XYLT2: variants seen among roughly 807,000 people sequenced by gnomAD.
XYLT2 encodes xylosyltransferase 2.
XYLT2 carries 37 observed loss-of-function variants against 82.6 expected under a neutral mutation model. The ratio of observed to expected loss-of-function variants is 0.45; its 90% confidence interval spans 0.34 to 0.59. The LOEUF (loss-of-function observed/expected upper bound fraction) is 0.59. Ranked by LOEUF, XYLT2 falls within the 20% of genes least tolerant of loss-of-function variation. The pLI is 0.01. For synonymous variants in XYLT2, 474 were observed against 499.0 expected (o/e 0.95, Z 0.67); for missense variants, 934 against 1,181.3 (o/e 0.79, Z 3.07).
At chr17:50,348,493 A>AT (rs1323078932) in intron 1 of XYLT2, among the ~76,000 whole-genome samples, 1 of 152,162 alleles carries the variant, frequency 6.6e-6, no homozygotes, top group Non-Finnish European at 1.5e-5. Flanking sequence ...AGAGCACTGA[A>AT]GGGGTTTAAG....
In XYLT2 at chr17:50,346,536, G is replaced by A; in HGVS notation, c.135+261G>A. Reference sequence around the variant, plus strand: ...GAGTCGGGCGGGGGGAGCAGGTCATGCTAGGGTGGTCTCCGGCCAAGGGAG... The same window carrying A: ...GAGTCGGGCGGGGGGAGCAGGTCATACTAGGGTGGTCTCCGGCCAAGGGAG... On this transcript the variant is annotated intron_variant, in intron 1 of 10. Transcript: ENST00000017003. The surrounding 1 kb of genome is among the most constrained non-coding windows in gnomAD (Gnocchi z 5.1). 1 of 928,014 alleles carries A rather than the reference G, an allele frequency of 1.1e-6. No individual in the cohort carries two copies. Among genetic ancestry groups the A allele is most frequent in the Non-Finnish European group, 1.3e-6 (1 of 777,434 alleles). 57.5% of individuals were successfully genotyped at this position (928,014 alleles called of 1,614,324 possible).
intron 1 of XYLT2, among the ~76,000 whole-genome samples, chr17:50,352,303 C>A (rs979812165): frequency 1.3e-5 from 2 of 152,186 alleles, no homozygotes; most frequent in African/African-American, 2.4e-5. Context: ...CCTGGAGGCT[C>A]TAGAGTGTTC....
Position 50,358,296 on chromosome 17 carries a change from C to T in XYLT2, c.2031C>T (p.Arg677=). The T allele has an allele frequency of 4.3e-6, 7 of 1,613,780 alleles. No individual in the cohort carries two copies. The highest frequency in any genetic ancestry group is 5.9e-6 in the Non-Finnish European group (7 of 1,180,044). ...TGGACGAGCCTGTGGCCGTGCAGCG[C>T]TGGGCCCGGGGCCCCAACCTCACAG... ...GPLDEPVAVQ[R]WARGPNLTAT... The change falls in exon 10 of 11, where the codon CGC becomes CGT. Residue 677 remains arginine, a synonymous_variant. Coordinates refer to ENST00000017003, the MANE Select transcript of XYLT2 (RefSeq NM_022167.4).
At chr17:50,354,641 T>G in intron 3 of XYLT2, 58 bp downstream of exon 3, 1 of 1,562,124 alleles carries the variant, frequency 6.4e-7, no homozygotes, top group Admixed American at 1.7e-5. Flanking sequence ...AACAGAAGGT[T>G]GCAGACAGAC....
At position 50,353,936 on chromosome 17, in the gene XYLT2, G is replaced by C; in HGVS notation, c.442G>C (p.Glu148Gln). ...ACCACACGGAGATACAGGGAGCGTG[G>C]AGGGCGCCCCCCAGCCCACGGACAA... ...FPPHGDTGSV[E>Q]GAPQPTDNGF... The change falls in exon 2 of 11, where the codon GAG (glutamate) becomes CAG (glutamine). Residue 148 changes from glutamate (E) to glutamine (Q), a missense_variant. Physicochemically the swap from Glu to Gln is conservative, Grantham distance 29. This residue lies in a region of XYLT2 where 371 missense variants were observed against 394.9 expected (regional missense o/e 0.94). Coordinates refer to ENST00000017003, the MANE Select transcript of XYLT2 (RefSeq NM_022167.4). 1 of 1,607,564 alleles carries C rather than the reference G, an allele frequency of 6.2e-7. No homozygotes were observed. Among genetic ancestry groups the C allele is most frequent in the Non-Finnish European group, 8.5e-7 (1 of 1,179,844 alleles).
chr17:50,354,183 A>T, intron 2 of XYLT2, 61 bp downstream of exon 2: 2 of 1,593,800 alleles, frequency 1.3e-6, no homozygotes, highest in Non-Finnish European at 1.7e-6. Context: ...CATGGCCCGG[A>T]TCCTCACCCC....
At chr17:50,356,953 A>C (rs532781929) in intron 8 of XYLT2, 104 bp from the exon 9 acceptor site, 169 of 1,470,844 alleles carry the variant, frequency 1.1e-4, no homozygotes, top group Non-Finnish European at 1.5e-4. Flanking sequence ...GATCTGGGGA[A>C]AGGAAGTGCC....
intron 1 of XYLT2, among the ~76,000 whole-genome samples, chr17:50,349,575 T>C (rs1409174755): frequency 6.6e-6 from 1 of 152,162 alleles, no homozygotes; most frequent in Non-Finnish European, 1.5e-5. Context: ...ATAGCAAGAC[T>C]ATCTCTATTA....
rs537033311 is a variant in XYLT2, at chr17:50,355,832, C to T, written c.1140C>T (p.His380=). 1.5e-5 allele frequency: 24 copies of T among 1,614,266 alleles called. 1 individual carries two copies. In the South Asian group the frequency reaches 2.2e-4, roughly 15 times the overall value. ...GGCTCTTCCATGAGTGCGACTCACA[C>T]ATGTGGCGCCTGGGCGAGCGGCAGA... ...LDRLFHECDS[H]MWRLGERQIP... Residue 380 remains histidine, a synonymous_variant, in exon 6 of 11, where the codon CAC becomes CAT. Transcript: ENST00000017003.
At position 50,355,573 on chromosome 17, in the gene XYLT2, C is replaced by T; in HGVS notation, c.1080C>T (p.Asp360=). Reference sequence around the variant, plus strand: ...ATTTCCTCAAGTCACATGGCCGGGACAACTCCAGGTGAGGGGGTGGGGAAG... The same window carrying T: ...ATTTCCTCAAGTCACATGGCCGGGATAACTCCAGGTGAGGGGGTGGGGAAG... ...DKNFLKSHGR[D]NSRFIKKQGL... is the part of the protein sequence containing the mutation. The change falls in exon 5 of 11, where the codon GAC becomes GAT. Residue 360 remains aspartate, a synonymous_variant. Coordinates refer to ENST00000017003, the MANE Select transcript of XYLT2 (RefSeq NM_022167.4). The T allele has an allele frequency of 6.2e-7, 1 of 1,614,082 alleles. No individual in the cohort carries two copies. The highest frequency in any genetic ancestry group is 8.5e-7 in the Non-Finnish European group (1 of 1,179,988).
In XYLT2 at chr17:50,360,034, C is replaced by G; in HGVS notation, c.2341C>G (p.Leu781Val). ...NEYMEQSFQG[L>V]SSILNLPQPE... Reference sequence around the variant, plus strand: ...GTACATGGAGCAGAGTTTCCAGGGCCTGAGTAGCATCCTGAACCTGCCTCA... The same window carrying G: ...GTACATGGAGCAGAGTTTCCAGGGCGTGAGTAGCATCCTGAACCTGCCTCA... The change falls in exon 11 of 11, where the codon CTG (leucine) becomes GTG (valine). Residue 781 changes from leucine (L) to valine (V), a missense_variant. This residue lies in a region of XYLT2 where 374 missense variants were observed against 465.6 expected (regional missense o/e 0.80). Coordinates refer to ENST00000017003, the MANE Select transcript of XYLT2 (RefSeq NM_022167.4). The G allele has an allele frequency of 6.2e-7, 1 of 1,613,908 alleles. No homozygotes were observed. The highest frequency in any genetic ancestry group is 1.3e-5 in the African/African-American group (1 of 75,046).
chr17:50,346,186 C>A lies in XYLT2; in HGVS notation c.46C>A (p.Leu16Met). 1 of 1,291,614 alleles carries A rather than the reference C, an allele frequency of 7.7e-7. No homozygotes were observed. The allele number at this position is 1,291,614 out of a possible 1,614,324, so 80.0% of individuals were successfully genotyped here. A position where few individuals can be genotyped will look rare whatever the true frequency, so the allele number is the denominator to read the frequency against. The change falls in exon 1 of 11, where the codon CTG becomes ATG. Residue 16 changes from leucine to methionine, a missense_variant. By Grantham distance (15) the Leu-to-Met change is conservative. This residue lies in a region of XYLT2 where 371 missense variants were observed against 394.9 expected (regional missense o/e 0.94). Coordinates refer to ENST00000017003, the MANE Select transcript of XYLT2 (RefSeq NM_022167.4). The surrounding 1 kb of genome is among the most constrained non-coding windows in gnomAD (Gnocchi z 5.1). ...RVQKLVRRYKLAIATALAILL... is the reference protein window; with the variant it reads ...RVQKLVRRYKMAIATALAILL... ...GCAGAAGCTGGTGCGGCGCTACAAG[C>A]TGGCGATTGCCACGGCGCTGGCCAT...
In XYLT2 at chr17:50,354,919, G is replaced by A. The variant is rs199506938; in HGVS notation, c.870G>A (p.Thr290=). 13 of 1,606,314 alleles carry A rather than the reference G, an allele frequency of 8.1e-6. No homozygotes were observed. In the East Asian group the frequency reaches 8.9e-5, roughly 11 times the overall value. The change falls in exon 4 of 11, where the codon ACG becomes ACA. Residue 290 remains threonine, a synonymous_variant. Transcript: ENST00000017003. The part of the protein sequence containing the change: ...LAQGYDNVRV[T]PWRMVTIWGG... Reference sequence around the variant, plus strand: ...AGGGCTATGATAACGTGCGGGTGACGCCCTGGCGCATGGTTACCATCTGGG... The same window carrying A: ...AGGGCTATGATAACGTGCGGGTGACACCCTGGCGCATGGTTACCATCTGGG...
rs752699422 is a variant in XYLT2 at position 50,355,568 on chromosome 17, C to T, written c.1075C>T (p.Arg359Trp). 1.2e-5 allele frequency: 19 copies of T among 1,613,954 alleles called. No individual in the cohort carries two copies. Among genetic ancestry groups the T allele is most frequent in the Admixed American group, 8.3e-5 (5 of 59,996 alleles). ...CAAGAATTTCCTCAAGTCACATGGC[C>T]GGGACAACTCCAGGTGAGGGGGTGG... The part of the protein sequence containing the change: ...RDKNFLKSHG[R>W]DNSRFIKKQG... Residue 359 changes from arginine (R) to tryptophan (W), a missense_variant, in exon 5 of 11, where the codon CGG (arginine) becomes TGG (tryptophan). This residue lies in a region of XYLT2 where 189 missense variants were observed against 320.8 expected (regional missense o/e 0.59). Transcript: ENST00000017003.
rs1217326930 is a variant in XYLT2 at position 50,356,145 on chromosome 17, C to T, written c.1366C>T (p.Leu456=). ...LACETLVDNN[L]RVTNWNRKLG... is the part of the protein sequence containing the mutation. The stretch of plus-strand genomic sequence containing the variant: ...CTGTGAGACCCTCGTGGACAACAAC[C>T]TGCGGGTCACCAACTGGAACCGCAA... Residue 456 remains leucine, a synonymous_variant, in exon 7 of 11, where the codon CTG becomes TTG. Transcript: ENST00000017003. 6.2e-7 allele frequency: 1 copy of T among 1,614,140 alleles called. No individual in the cohort carries two copies. The highest frequency in any genetic ancestry group is 8.5e-7 in the Non-Finnish European group (1 of 1,180,042).
In XYLT2 at chr17:50,360,972, A is replaced by T. The variant is rs1313556709; in HGVS notation, c.*681A>T. 73 of 985,776 alleles carry T rather than the reference A, an allele frequency of 7.4e-5. No homozygotes were observed. The highest frequency in any genetic ancestry group is 1.1e-4 in the East Asian group (1 of 8,820). 61.1% of individuals were successfully genotyped at this position (985,776 alleles called of 1,614,324 possible). ...TACCCTGCCCCTGGATGGGAAAGGC[A>T]GGGTCAGGGCCCACTGAGACCCATG... is the stretch of plus-strand genomic sequence containing the variant. On this transcript the variant is annotated 3_prime_UTR_variant, in exon 11 of 11. Transcript: ENST00000017003.
chr17:50,352,550 G>A (rs114548916), intron 1 of XYLT2, among the ~76,000 whole-genome samples: 411 of 152,334 alleles, frequency 2.7e-3, no homozygotes, highest in African/African-American at 9.4e-3. Context: ...AAGCATGGAT[G>A]GGATTTGGTC....
At position 50,357,257 on chromosome 17, in the gene XYLT2, G is replaced by T; in HGVS notation, c.1941+5G>T. The T allele has an allele frequency of 6.3e-7, 1 of 1,575,326 alleles. No individual in the cohort carries two copies. ...AGCCGGCTCCAGAGTCTGGAGGTGG[G>T]ACAGGTCCCCCACTTGCTTTCTCCC... is the stretch of plus-strand genomic sequence containing the variant. On this transcript the variant is annotated splice_donor_5th_base_variant and intron_variant, in intron 9 of 10. Transcript: ENST00000017003.
At chr17:50,356,823 G>A in intron 8 of XYLT2, 50 bp downstream of exon 8, 1 of 1,559,972 alleles carries the variant, frequency 6.4e-7, no homozygotes, top group South Asian at 1.2e-5. Context: ...TGGTGCCCTA[G>A]GGGGAGGCCA....
Sources: allele counts gnomAD v4.1 joint callset (sites outside exome capture counted in the v4.1 genomes callset), GRCh38; gene constraint gnomAD v4.1.1; regional missense constraint gnomAD v4.1.1; non-coding constraint Gnocchi (gnomAD v3.1); transcripts MANE v1.5; gene names NCBI Gene and HGNC (gene_info 2026-07-23, HGNC 2026-07-21).